LRMDA: variants seen among roughly 807,000 people sequenced by gnomAD.
The protein encoded by LRMDA is leucine-rich melanocyte differentiation-associated protein.
A neutral mutation model predicts 29.8 loss-of-function variants in LRMDA; 18 were observed. That is an observed-to-expected ratio of 0.60 (90% CI 0.42 to 0.90). LRMDA has a LOEUF of 0.90. Ranked by LOEUF, LRMDA falls within the 40% of genes least tolerant of loss-of-function variation. LRMDA has a pLI of 0.00. For missense variants in LRMDA, 273 were observed against 273.9 expected (o/e 1.00, Z 0.02); for synonymous variants, 125 against 109.4 (o/e 1.14, Z -0.89).
At chr10:75,473,246 C>T (rs1844746744) in intron 2 of LRMDA, among the ~76,000 whole-genome samples, 1 of 152,118 alleles carries the variant, frequency 6.6e-6, no homozygotes, top group Non-Finnish European at 1.5e-5. Flanking sequence ...TGGGGGGAAA[C>T]CTGGAGCTTT....
At chr10:76,053,717 G>C (rs993786669) in intron 4 of LRMDA, among the ~76,000 whole-genome samples, 3 of 152,164 alleles carry the variant, frequency 2.0e-5, no homozygotes, top group Non-Finnish European at 4.4e-5. Context: ...CCACTGGCTG[G>C]GTTCTGTGCA....
At chr10:75,598,613 A>G (rs1840834362) in intron 2 of LRMDA, among the ~76,000 whole-genome samples, 1 of 152,072 alleles carries the variant, frequency 6.6e-6, no homozygotes, top group Non-Finnish European at 1.5e-5. Context: ...ATTTGTTTAA[A>G]AGCATCTTCA....
chr10:76,080,350 T>C (rs1433480937), intron 5 of LRMDA, among the ~76,000 whole-genome samples: 1 of 152,322 alleles, frequency 6.6e-6, no homozygotes, highest in East Asian at 1.9e-4. Context: ...TACCTTCTGT[T>C]TACCCCATGG....
At chr10:76,437,947 T>C (rs968343188) in intron 6 of LRMDA, among the ~76,000 whole-genome samples, 4 of 152,186 alleles carry the variant, frequency 2.6e-5, no homozygotes, top group African/African-American at 9.6e-5. Context: ...ATGAGGAAAC[T>C]GAAGAGCAGG....
At chr10:75,773,447 G>C (rs1843269931) in intron 2 of LRMDA, among the ~76,000 whole-genome samples, 1 of 152,124 alleles carries the variant, frequency 6.6e-6, no homozygotes, top group South Asian at 2.1e-4. Flanking sequence ...TTCCTGTGTG[G>C]GTCCAGTGGA....
At chr10:75,968,490 G>C (rs1846906970) in intron 2 of LRMDA, among the ~76,000 whole-genome samples, 2 of 152,176 alleles carry the variant, frequency 1.3e-5, no homozygotes, top group Admixed American at 1.3e-4. Context: ...TAGAGGGAAG[G>C]CTGCACATTC....
chr10:75,482,934 T>G (rs1844869617), intron 2 of LRMDA, among the ~76,000 whole-genome samples: 1 of 151,996 alleles, frequency 6.6e-6, no homozygotes, highest in Non-Finnish European at 1.5e-5. Flanking sequence ...TTAGTTAACC[T>G]TTCCTTTCCT....
intron 6 of LRMDA, among the ~76,000 whole-genome samples, chr10:76,353,144 T>A (rs192922350): frequency 6.6e-6 from 1 of 152,198 alleles, no homozygotes; most frequent in East Asian, 1.9e-4. Context: ...AGAGGAGTGA[T>A]TGCTATACTG....
chr10:75,765,299 T>A (rs902172739), intron 2 of LRMDA, among the ~76,000 whole-genome samples: 3 of 152,040 alleles, frequency 2.0e-5, no homozygotes, highest in African/African-American at 7.2e-5. Flanking sequence ...TTAATTTGAA[T>A]GGGCTGTTTT....
chr10:75,755,936 A>G lies in LRMDA; in HGVS notation c.132-280072A>G, dbSNP rs141140304. Among the ~76,000 whole-genome samples the G allele has an allele frequency of 5.9e-3, 895 of 152,302 alleles. 4 individuals are homozygous for G. The highest frequency in any genetic ancestry group is 9.7e-3 in the Non-Finnish European group (661 of 68,030). On this transcript the variant is annotated intron_variant, in intron 2 of 6. Coordinates refer to ENST00000611255, the MANE Select transcript of LRMDA (RefSeq NM_001305581.2). ...TAAGTGGGGCTATGGCTTACATTCT[A>G]AATGTACTGGTCTGGCTGGCATGTG... is the stretch of plus-strand genomic sequence containing the variant.
chr10:75,892,219 A>T (rs1845503312), intron 2 of LRMDA, among the ~76,000 whole-genome samples: 1 of 152,196 alleles, frequency 6.6e-6, no homozygotes, highest in Non-Finnish European at 1.5e-5. Context: ...CATCAATTGC[A>T]GCAAAAGGAA....
intron 2 of LRMDA, among the ~76,000 whole-genome samples, chr10:75,830,725 G>T (rs1178117955): frequency 2.2e-4 from 33 of 152,168 alleles, no homozygotes; most frequent in Non-Finnish European, 2.9e-4. Context: ...GGGACACAGA[G>T]TCAAACTATA....
rs763472626 is a variant in LRMDA at position 76,463,917 on chromosome 10, A to ATTTTTTTTTTTTTTTTTTTTTTTTTT, written c.602-93275_602-93274insTTTTTTTTTTTTTTTTTTTTTTTTTT. On this transcript the variant is annotated intron_variant, in intron 6 of 6. Transcript: ENST00000611255. ...CTGGCACACAGTAGGTGCAAAATAAATTTTTTTTTTTTTTTTTGTGAGATG... is the reference window on the plus strand; with the variant it reads ...CTGGCACACAGTAGGTGCAAAATAAATTTTTTTTTTTTTTTTTTTTTTTTTTTTTTTTTTTTTTTTTTTGTGAGATG... Among the ~76,000 whole-genome samples, 2 of 112,882 alleles carry ATTTTTTTTTTTTTTTTTTTTTTTTTT rather than the reference A, an allele frequency of 1.8e-5. 1 individual carries two copies. Among genetic ancestry groups the ATTTTTTTTTTTTTTTTTTTTTTTTTT allele is most frequent in the Non-Finnish European group, 3.6e-5 (2 of 56,008 alleles). The allele number at this position is 112,882 out of a possible 152,430, so 74.1% of individuals were successfully genotyped here.
chr10:75,433,240 T>C (rs1844224314), intron 1 of LRMDA, among the ~76,000 whole-genome samples: 1 of 152,208 alleles, frequency 6.6e-6, no homozygotes, highest in Admixed American at 6.5e-5. Context: ...TCTCCCGGTG[T>C]ACCTTGCTAC....
intron 2 of LRMDA, among the ~76,000 whole-genome samples, chr10:75,772,875 G>GA (rs1332056268): frequency 7.9e-6 from 1 of 126,764 alleles, no homozygotes; most frequent in Non-Finnish European, 1.6e-5. Flanking sequence ...GGGATGGGGG[G>GA]GGGCAGATTA....
At chr10:76,368,230 C>T (rs745473603) in intron 6 of LRMDA, among the ~76,000 whole-genome samples, 4 of 152,068 alleles carry the variant, frequency 2.6e-5, no homozygotes, top group Admixed American at 6.6e-5. Context: ...TTGATGTAGG[C>T]GTTTAGGGCT....
chr10:76,221,075 T>A (rs1238686662), intron 5 of LRMDA, among the ~76,000 whole-genome samples: 1 of 152,116 alleles, frequency 6.6e-6, no homozygotes, highest in African/African-American at 2.4e-5. Flanking sequence ...TCAACAACCC[T>A]TCATGCTAAA....
At chr10:75,994,624 C>T (rs935734801) in intron 2 of LRMDA, among the ~76,000 whole-genome samples, 3 of 152,194 alleles carry the variant, frequency 2.0e-5, no homozygotes, top group African/African-American at 7.2e-5. Context: ...GAAAATCGCG[C>T]TCACCTCTGG....
chr10:75,468,735 A>G (rs1001428453), intron 2 of LRMDA, among the ~76,000 whole-genome samples: 7 of 152,034 alleles, frequency 4.6e-5, no homozygotes, highest in African/African-American at 1.7e-4. Flanking sequence ...AGAGAATGCC[A>G]AGCCCTGCTG....
Sources: gnomAD v4.1 joint callset for allele counts (sites outside exome capture counted in the v4.1 genomes callset) on GRCh38, gnomAD v4.1.1 for gene constraint, MANE v1.5 for transcripts, NCBI Gene and HGNC (gene_info 2026-07-23, HGNC 2026-07-21) for gene names.